CLSTN2: variants seen among roughly 807,000 people sequenced by gnomAD.
CLSTN2 encodes calsyntenin-2.
CLSTN2 carries 48 observed loss-of-function variants against 101.2 expected under a neutral mutation model. The observed-to-expected ratio is 0.47, with a 90% CI of 0.38 to 0.60. The LOEUF (loss-of-function observed/expected upper bound fraction) is 0.60, where lower values mean the gene tolerates loss of function less well. Ranked by LOEUF, CLSTN2 falls within the 20% of genes least tolerant of loss-of-function variation. The pLI is 0.00. For missense variants in CLSTN2, 1,160 were observed against 1,238.2 expected (o/e 0.94, Z 0.95); for synonymous variants, 481 against 463.6 (o/e 1.04, Z -0.48).
intron 2 of CLSTN2, among the ~76,000 whole-genome samples, chr3:140,249,722 T>C (rs2086545878): frequency 6.6e-6 from 1 of 152,190 alleles, no homozygotes; most frequent in African/African-American, 2.4e-5. Context: ...TTTTCTTTCC[T>C]CTATTATGTG....
chr3:140,552,276 G>A (rs1242451790), intron 10 of CLSTN2, among the ~76,000 whole-genome samples: 1 of 152,040 alleles, frequency 6.6e-6, no homozygotes, highest in African/African-American at 2.4e-5. Flanking sequence ...AAGGGCGAGT[G>A]AGCAATGCCA....
At chr3:140,045,537 A>G (rs1215672173) in intron 1 of CLSTN2, among the ~76,000 whole-genome samples, 1 of 151,194 alleles carries the variant, frequency 6.6e-6, no homozygotes, top group East Asian at 1.9e-4. Context: ...CAGTTCTGCT[A>G]GTTATTTCTT....
intron 2 of CLSTN2, among the ~76,000 whole-genome samples, chr3:140,351,838 G>T (rs1247286366): frequency 6.6e-6 from 1 of 151,398 alleles, no homozygotes; most frequent in African/African-American, 2.4e-5. Flanking sequence ...AACAGCAAGT[G>T]CAAAGGCATT....
chr3:140,111,907 T>G (rs2009162775), intron 1 of CLSTN2, among the ~76,000 whole-genome samples: 1 of 152,084 alleles, frequency 6.6e-6, no homozygotes, highest in African/African-American at 2.4e-5. Context: ...GAAACTGAGG[T>G]TTACAAGAGT....
intron 15 of CLSTN2, 134 bp from the exon 16 acceptor site, chr3:140,563,827 C>T (rs1935971906): frequency 2.5e-6 from 2 of 812,192 alleles, no homozygotes; most frequent in Admixed American, 2.1e-5. Context: ...GGGTAAGGTA[C>T]TGCTCTAGAG....
intron 5 of CLSTN2, among the ~76,000 whole-genome samples, chr3:140,438,364 G>A (rs1223672401): frequency 1.5e-5 from 2 of 135,134 alleles, no homozygotes; most frequent in Admixed American, 8.3e-5. Flanking sequence ...ATTTCAGCTT[G>A]CGACTCTTGT....
intron 2 of CLSTN2, among the ~76,000 whole-genome samples, chr3:140,275,344 C>T (rs2086784003): frequency 6.6e-6 from 1 of 151,970 alleles, no homozygotes; most frequent in African/African-American, 2.4e-5. Flanking sequence ...ACACTCAGAG[C>T]TCACTGCAGA....
At chr3:139,979,320 G>C (rs1221015190) in intron 1 of CLSTN2, among the ~76,000 whole-genome samples, 1 of 152,210 alleles carries the variant, frequency 6.6e-6, no homozygotes, top group African/African-American at 2.4e-5. Flanking sequence ...AGGGAATCCA[G>C]GGTGAATGTG....
chr3:140,090,121 T>A (rs1346474213), intron 1 of CLSTN2, among the ~76,000 whole-genome samples: 1 of 150,470 alleles, frequency 6.6e-6, no homozygotes, highest in African/African-American at 2.5e-5. Context: ...GGAGGTTATC[T>A]TGGGGCTGAT....
intron 9 of CLSTN2, among the ~76,000 whole-genome samples, chr3:140,540,773 C>T (rs763481388): frequency 2.0e-5 from 3 of 152,088 alleles, no homozygotes; most frequent in African/African-American, 4.8e-5. Flanking sequence ...TACATAGATG[C>T]GTGCATATTT....
chr3:140,218,325 C>T (rs1559809399), intron 2 of CLSTN2, among the ~76,000 whole-genome samples: 2 of 152,138 alleles, frequency 1.3e-5, no homozygotes, highest in East Asian at 1.9e-4. Context: ...CTTACCTATC[C>T]CTTAGTTGCA....
At chr3:140,395,632 G>C (rs2088173084) in intron 2 of CLSTN2, among the ~76,000 whole-genome samples, 1 of 152,222 alleles carries the variant, frequency 6.6e-6, no homozygotes. Context: ...TTCATCTGAA[G>C]TGGGAGGGTT....
intron 8 of CLSTN2, among the ~76,000 whole-genome samples, chr3:140,487,287 C>G (rs1460055363): frequency 6.6e-6 from 1 of 152,216 alleles, no homozygotes; most frequent in Non-Finnish European, 1.5e-5. Flanking sequence ...CACCAAGAGT[C>G]TCCCATATTT....
chr3:140,022,381 T>C (rs551236941), intron 1 of CLSTN2, among the ~76,000 whole-genome samples: 188 of 152,290 alleles, frequency 1.2e-3, no homozygotes, highest in Non-Finnish European at 2.1e-3. Flanking sequence ...CAAGTTCACA[T>C]GCGATGTGCA....
intron 2 of CLSTN2, among the ~76,000 whole-genome samples, chr3:140,225,942 T>C (rs1250352521): frequency 6.6e-6 from 1 of 152,074 alleles, no homozygotes; most frequent in Non-Finnish European, 1.5e-5. Flanking sequence ...TCTAAAAGAA[T>C]ATGTTTTCTT....
At chr3:140,015,569 G>T (rs2007183026) in intron 1 of CLSTN2, among the ~76,000 whole-genome samples, 1 of 152,210 alleles carries the variant, frequency 6.6e-6, no homozygotes, top group Non-Finnish European at 1.5e-5. Flanking sequence ...GGACTGCAAG[G>T]TTTGGGGCCT....
chr3:140,248,785 C>T (rs973010667), intron 2 of CLSTN2, among the ~76,000 whole-genome samples: 3 of 152,130 alleles, frequency 2.0e-5, no homozygotes, highest in Non-Finnish European at 2.9e-5. Flanking sequence ...AAATTTTCAT[C>T]TATACATGAG....
chr3:140,398,162 G>A (rs1470601551), intron 2 of CLSTN2, among the ~76,000 whole-genome samples: 1 of 151,996 alleles, frequency 6.6e-6, no homozygotes, highest in Non-Finnish European at 1.5e-5. Context: ...ATGAAAAAAG[G>A]TCCTAGTTCA....
intron 9 of CLSTN2, 91 bp downstream of exon 9, chr3:140,532,577 G>T: frequency 8.6e-7 from 1 of 1,164,514 alleles, no homozygotes; most frequent in Non-Finnish European, 1.2e-6. Flanking sequence ...AGTGGTGTGA[G>T]AATAGTCTAG....
Sources: allele counts gnomAD v4.1 joint callset (sites outside exome capture counted in the v4.1 genomes callset), GRCh38; gene constraint gnomAD v4.1.1; transcripts MANE v1.5; gene names NCBI Gene and HGNC (gene_info 2026-07-23, HGNC 2026-07-21).